ZFYVE9: variants seen among roughly 807,000 people sequenced by gnomAD.
ZFYVE9 encodes the protein zinc finger FYVE-type containing 9, also known as zinc finger FYVE domain-containing protein 9.
In ZFYVE9, 43 loss-of-function variants were observed where a neutral mutation model predicts 126.7. The ratio of observed to expected loss-of-function variants is 0.34; its 90% confidence interval spans 0.27 to 0.44. The LOEUF (loss-of-function observed/expected upper bound fraction) is 0.44, where lower values mean the gene tolerates loss of function less well. Among genes scored for constraint, ZFYVE9 ranks in the 20% least tolerant of loss-of-function variants. The pLI, the probability that ZFYVE9 is intolerant of heterozygous loss-of-function variation, is 1.00. For synonymous variants in ZFYVE9, 521 were observed against 597.4 expected (o/e 0.87, Z 1.87); for missense variants, 1,476 against 1,697.0 (o/e 0.87, Z 2.29).
chr1:52,232,792 A>G (rs1236128246), intron 2 of ZFYVE9, among the ~76,000 whole-genome samples: 2 of 150,920 alleles, frequency 1.3e-5, no homozygotes, highest in African/African-American at 2.4e-5. Context: ...GCATTTTGGA[A>G]CTAGTATCCG....
intron 14 of ZFYVE9, among the ~76,000 whole-genome samples, chr1:52,334,208 CTT>C (rs1167301927): frequency 2.0e-5 from 3 of 151,880 alleles, no homozygotes; most frequent in African/African-American, 4.8e-5. Context: ...GGGTGGCAAA[CTT>C]TTTTTGTGAA....
chr1:52,146,380 A>G (rs1165393192), intron 1 of ZFYVE9, among the ~76,000 whole-genome samples: 1 of 152,050 alleles, frequency 6.6e-6, no homozygotes, highest in African/African-American at 2.4e-5. Context: ...GTTTTCAAAA[A>G]ACTCTCAATT....
intron 4 of ZFYVE9, among the ~76,000 whole-genome samples, chr1:52,251,465 G>T (rs931397375): frequency 1.3e-5 from 2 of 151,816 alleles, no homozygotes; most frequent in Non-Finnish European, 2.9e-5. Flanking sequence ...ATCATTTGGG[G>T]TTTTTTGTTT....
At chr1:52,315,764 AT>A (rs889946015) in intron 13 of ZFYVE9, among the ~76,000 whole-genome samples, 11 of 152,266 alleles carry the variant, frequency 7.2e-5, no homozygotes, top group Non-Finnish European at 1.2e-4. Context: ...ATTAAAAAAA[AT>A]GACTCAAATA....
intron 1 of ZFYVE9, among the ~76,000 whole-genome samples, chr1:52,194,152 A>G (rs1644840521): frequency 6.6e-6 from 1 of 152,194 alleles, no homozygotes; most frequent in Admixed American, 6.5e-5. Context: ...TCTAGGATAT[A>G]TCATTGAGTG....
At chr1:52,336,333 T>C (rs141249888) in intron 15 of ZFYVE9, among the ~76,000 whole-genome samples, 10 of 150,630 alleles carry the variant, frequency 6.6e-5, no homozygotes, top group African/African-American at 2.4e-4. Context: ...AACATGCCGT[T>C]AACAAATTGT....
chr1:52,158,274 A>C, intron 1 of ZFYVE9, among the ~76,000 whole-genome samples: 1 of 152,142 alleles, frequency 6.6e-6, no homozygotes, highest in East Asian at 1.9e-4. Flanking sequence ...AATTCTTGCC[A>C]TTCTTTTGGG....
intron 1 of ZFYVE9, among the ~76,000 whole-genome samples, chr1:52,143,100 C>A (rs1418092424): frequency 6.6e-6 from 1 of 152,180 alleles, no homozygotes; most frequent in South Asian, 2.1e-4. Context: ...TAAACACTCA[C>A]AGTTATAAAA....
At chr1:52,256,346 C>T (rs1483548845) in intron 4 of ZFYVE9, among the ~76,000 whole-genome samples, 2 of 151,662 alleles carry the variant, frequency 1.3e-5, no homozygotes, top group African/African-American at 2.4e-5. Flanking sequence ...GGATTACAGG[C>T]ATGAGCCACC....
chr1:52,318,867 TGA>T (rs1343243259), intron 13 of ZFYVE9, among the ~76,000 whole-genome samples: 1 of 152,016 alleles, frequency 6.6e-6, no homozygotes, highest in Non-Finnish European at 1.5e-5. Flanking sequence ...GAGGACAAGG[TGA>T]GCTGATTGCT....
At chr1:52,319,668 C>T (rs947733525) in intron 13 of ZFYVE9, among the ~76,000 whole-genome samples, 1 of 151,284 alleles carries the variant, frequency 6.6e-6, no homozygotes, top group Non-Finnish European at 1.5e-5. Context: ...GGTACTGATC[C>T]TGAAATTTAT....
chr1:52,199,211 G>A (rs1319126743), intron 1 of ZFYVE9, among the ~76,000 whole-genome samples: 3 of 151,924 alleles, frequency 2.0e-5, no homozygotes, highest in Admixed American at 6.6e-5. Flanking sequence ...GACTATAGGC[G>A]CTGCCACTAC....
intron 4 of ZFYVE9, among the ~76,000 whole-genome samples, chr1:52,247,180 A>G (rs1645394835): frequency 6.6e-6 from 1 of 152,156 alleles, no homozygotes; most frequent in African/African-American, 2.4e-5. Context: ...GGAAGCAGAA[A>G]GGTAGTAGTA....
intron 13 of ZFYVE9, among the ~76,000 whole-genome samples, chr1:52,306,723 C>T (rs1646088596): frequency 6.6e-6 from 1 of 152,264 alleles, no homozygotes; most frequent in South Asian, 2.1e-4. Context: ...AGTCTCCAAG[C>T]TTCCGAATGT....
intron 1 of ZFYVE9, among the ~76,000 whole-genome samples, chr1:52,171,668 C>T (rs1644570982): frequency 6.6e-6 from 1 of 152,004 alleles, no homozygotes; most frequent in African/African-American, 2.4e-5. Context: ...CCTGTTGTTT[C>T]CTGACTTTTT....
chr1:52,269,416 C>A (rs758897649), intron 7 of ZFYVE9, among the ~76,000 whole-genome samples: 1 of 152,088 alleles, frequency 6.6e-6, no homozygotes, highest in Non-Finnish European at 1.5e-5. Flanking sequence ...AGGTGTGAGC[C>A]ACCACACCCT....
chr1:52,160,192 G>A (rs545150205), intron 1 of ZFYVE9: 143 of 678,574 alleles, frequency 2.1e-4, no homozygotes, highest in African/African-American at 2.1e-3. Flanking sequence ...GGTTGGAGGC[G>A]CTTCTCCCTG....
chr1:52,161,297 A>T (rs984101258), intron 1 of ZFYVE9, among the ~76,000 whole-genome samples: 9 of 150,964 alleles, frequency 6.0e-5, no homozygotes, highest in Non-Finnish European at 1.2e-4. Context: ...ATTTTATTTT[A>T]TTTTTTTTTG....
At chr1:52,276,969 C>A (rs929775375) in intron 8 of ZFYVE9, among the ~76,000 whole-genome samples, 1 of 152,200 alleles carries the variant, frequency 6.6e-6, no homozygotes, top group Non-Finnish European at 1.5e-5. Context: ...ATTGTACTCT[C>A]AAATGCAGCT....
Sources: allele counts gnomAD v4.1 joint callset (sites outside exome capture counted in the v4.1 genomes callset), GRCh38; gene constraint gnomAD v4.1.1; transcripts MANE v1.5; gene names NCBI Gene and HGNC (gene_info 2026-07-23, HGNC 2026-07-21).